The following PLD5 variants were observed in gnomAD, a reference collection of about 807,000 sequenced individuals.
The protein encoded by PLD5 is phospholipase D family member 5, also known as inactive phospholipase D5.
A neutral mutation model predicts 61.1 loss-of-function variants in PLD5; 36 were observed. The observed-to-expected ratio is 0.59, with a 90% CI of 0.45 to 0.78. The LOEUF (loss-of-function observed/expected upper bound fraction) is 0.78. Among genes scored for constraint, PLD5 ranks in the 30% least tolerant of loss-of-function variants. The probability of loss-of-function intolerance (pLI) is 0.00; values close to 1 mark genes in which losing one functional copy is unlikely to be tolerated. For synonymous variants in PLD5, 243 were observed against 242.8 expected, an observed-to-expected ratio of 1.00 and a Z score of -0.01; for missense variants, 515 against 644.4, an observed-to-expected ratio of 0.80 and a Z score of 2.17.
At chr1:242,271,195 CACACACAGAG>C (rs1428218672) in intron 3 of PLD5, among the ~76,000 whole-genome samples, 12 of 13,454 alleles carry the variant, frequency 8.9e-4, no homozygotes, top group Admixed American at 2.7e-3. Flanking sequence ...CACACACACA[CACACACAGAG>C]AGAGAGAGAG....
rs1239095906 is a variant in PLD5, at chr1:242,136,064, C to T, written c.736-11399G>A. ...CTTTGACTGTTTTGTCCCTACCCTC[C>T]GTGGGGACATACACAACCTGCAGAT... is the stretch of plus-strand genomic sequence containing the variant. On this transcript the variant is annotated intron_variant, in intron 5 of 9. Transcript: ENST00000536534. Among the ~76,000 whole-genome samples the T allele has an allele frequency of 3.9e-5, 6 of 152,162 alleles. No homozygotes were observed. In the South Asian group the frequency reaches 6.2e-4, roughly 16 times the overall value.
chr1:242,394,206 G>GTATA lies in PLD5; in HGVS notation c.190-45968_190-45965dup, dbSNP rs1285854255. ...TGAGTATATATGAGTATATATATGT[G>GTATA]TATATGAGTATATATATGTGTATAT... On this transcript the variant is annotated intron_variant, in intron 1 of 9. Transcript: ENST00000536534. Among the ~76,000 whole-genome samples the GTATA allele has an allele frequency of 1.9e-3, 72 of 37,338 alleles. 20 individuals are homozygous for GTATA. The highest frequency in any genetic ancestry group is 5.4e-3 in the African/African-American group (59 of 10,968). The allele number at this position is 37,338 out of a possible 152,430, so 24.5% of individuals were successfully genotyped here. A position where few individuals can be genotyped will look rare whatever the true frequency, so the allele number is the denominator to read the frequency against.
rs574660224 is a variant in PLD5 at position 242,483,857 on chromosome 1, G to A, written c.189+40231C>T. Reference sequence around the variant, plus strand: ...AAAAGAACAGAAATTACAACAAACTGTCTCTCAGACCACAGTGCAATCAAA... The same window carrying A: ...AAAAGAACAGAAATTACAACAAACTATCTCTCAGACCACAGTGCAATCAAA... On this transcript the variant is annotated intron_variant, in intron 1 of 9. Coordinates refer to ENST00000536534, the MANE Select transcript of PLD5 (RefSeq NM_001372062.1). Among the ~76,000 whole-genome samples the A allele has an allele frequency of 8.0e-3, 1,200 of 150,620 alleles. 21 individuals carry two copies. Among genetic ancestry groups the A allele is most frequent in the African/African-American group, 0.029 (1,147 of 39,974 alleles).
chr1:242,337,364 C>T (rs1403754722), intron 2 of PLD5, among the ~76,000 whole-genome samples: 1 of 152,108 alleles, frequency 6.6e-6, no homozygotes, highest in Admixed American at 6.6e-5. Context: ...GGTGTGATGG[C>T]TCACACCTGT....
chr1:242,095,006 G>A (rs1660110472), intron 9 of PLD5, among the ~76,000 whole-genome samples: 1 of 149,248 alleles, frequency 6.7e-6, no homozygotes, highest in Admixed American at 6.7e-5. Context: ...TGGCAATCTC[G>A]GCTCACTGCA....
At chr1:242,305,561 A>ATT (rs371470398) in intron 2 of PLD5, among the ~76,000 whole-genome samples, 6 of 149,454 alleles carry the variant, frequency 4.0e-5, no homozygotes, top group African/African-American at 9.8e-5. Flanking sequence ...TCCATTTCTT[A>ATT]TTTTTTTTTC....
At chr1:242,502,173 C>T (rs6698848) in intron 1 of PLD5, among the ~76,000 whole-genome samples, 11,205 of 152,178 alleles carry the variant, frequency 0.074, 1,022 homozygotes, top group African/African-American at 0.22. Context: ...GACCTCTCCA[C>T]TGCAATGTCT....
intron 4 of PLD5, among the ~76,000 whole-genome samples, chr1:242,260,427 G>A (rs551347821): frequency 1.7e-4 from 26 of 152,016 alleles, no homozygotes; most frequent in Admixed American, 9.2e-4. Context: ...TCAGGAATAC[G>A]GATTTGAAGA....
chr1:242,175,540 A>G (rs1378413990), intron 5 of PLD5, among the ~76,000 whole-genome samples: 4 of 152,220 alleles, frequency 2.6e-5, no homozygotes, highest in Admixed American at 6.5e-5. Context: ...AACCAGCATA[A>G]GACAAGGATG....
intron 1 of PLD5, among the ~76,000 whole-genome samples, chr1:242,497,919 T>C (rs1558149121): frequency 6.6e-6 from 1 of 152,146 alleles, no homozygotes; most frequent in African/African-American, 2.4e-5. Context: ...AGAGGGAAGG[T>C]AGTTTGAAAG....
At chr1:242,519,085 G>T (rs1274905009) in intron 1 of PLD5, among the ~76,000 whole-genome samples, 1 of 152,182 alleles carries the variant, frequency 6.6e-6, no homozygotes, top group Non-Finnish European at 1.5e-5. Flanking sequence ...TTAAGCATTT[G>T]CCAGACTCTT....
At chr1:242,185,732 C>T (rs1667832327) in intron 5 of PLD5, among the ~76,000 whole-genome samples, 2 of 152,118 alleles carry the variant, frequency 1.3e-5, no homozygotes, top group South Asian at 2.1e-4. Context: ...CTGGCTACAT[C>T]ATTGAAATAG....
chr1:242,110,167 AAATAGTGTATCATTAGTTCC>A (rs1661375050), intron 7 of PLD5, among the ~76,000 whole-genome samples: 1 of 151,556 alleles, frequency 6.6e-6, no homozygotes, highest in Non-Finnish European at 1.5e-5. Context: ...CTACAGTTTC[AAATAGTGTATCATTAGTTCC>A]AATACTGAAC....
chr1:242,184,135 T>C (rs1432889413), intron 5 of PLD5, among the ~76,000 whole-genome samples: 1 of 152,208 alleles, frequency 6.6e-6, no homozygotes, highest in Non-Finnish European at 1.5e-5. Context: ...TTTCTTGTTC[T>C]ACAAAGAGTT....
intron 5 of PLD5, among the ~76,000 whole-genome samples, chr1:242,190,323 C>T (rs1050726195): frequency 6.6e-6 from 1 of 151,260 alleles, no homozygotes; most frequent in Admixed American, 6.6e-5. Flanking sequence ...TTTTTTTGTA[C>T]TTTTAGTAGA....
intron 1 of PLD5, among the ~76,000 whole-genome samples, chr1:242,471,972 G>C (rs1667460642): frequency 6.6e-6 from 1 of 152,178 alleles, no homozygotes; most frequent in Admixed American, 6.5e-5. Flanking sequence ...TGCTTCCACA[G>C]ACCATCCTTT....
chr1:242,264,818 C>T (rs1673567806), intron 4 of PLD5, among the ~76,000 whole-genome samples: 1 of 152,158 alleles, frequency 6.6e-6, no homozygotes, highest in Non-Finnish European at 1.5e-5. Flanking sequence ...TTGGAATTAT[C>T]TTCAGTCTTC....
chr1:242,323,627 A>G (rs1174727393), intron 2 of PLD5, among the ~76,000 whole-genome samples: 1 of 152,250 alleles, frequency 6.6e-6, no homozygotes, highest in East Asian at 1.9e-4. Context: ...GCCTTTCTCC[A>G]GTTCCCGAGC....
chr1:242,465,853 T>G (rs1667263031), intron 1 of PLD5, among the ~76,000 whole-genome samples: 1 of 152,152 alleles, frequency 6.6e-6, no homozygotes, highest in African/African-American at 2.4e-5. Flanking sequence ...TGCTTGAACC[T>G]GGGAGGCGGA....
Sources: gnomAD v4.1 joint callset for allele counts (sites outside exome capture counted in the v4.1 genomes callset) on GRCh38, gnomAD v4.1.1 for gene constraint, MANE v1.5 for transcripts, NCBI Gene and HGNC (gene_info 2026-07-23, HGNC 2026-07-21) for gene names.